Variants in CDH22 observed in about 807,000 individuals in gnomAD.
The protein encoded by CDH22 is cadherin-22.
A neutral mutation model predicts 58.4 loss-of-function variants in CDH22; 30 were observed. The ratio of observed to expected loss-of-function variants is 0.51; its 90% CI spans 0.38 to 0.70. The LOEUF is 0.70. Among genes scored for constraint, CDH22 ranks in the 30% least tolerant of loss-of-function variants. The pLI, the probability that CDH22 is intolerant of heterozygous loss-of-function variation, is 0.00. For synonymous variants in CDH22, 513 were observed against 558.2 expected, an observed-to-expected ratio of 0.92 and a Z score of 1.14; for missense variants, 1,014 against 1,233.9, an observed-to-expected ratio of 0.82 and a Z score of 2.67.
chr20:46,251,463 C>T lies in CDH22; in HGVS notation c.-169G>A, dbSNP rs1274749453. On this transcript the variant is annotated 5_prime_UTR_variant, in exon 2 of 12. Coordinates refer to ENST00000537909, the MANE Select transcript of CDH22 (RefSeq NM_021248.3). The surrounding 1 kb of genome is among the most constrained non-coding windows in gnomAD (Gnocchi z 6.7). ...ACGGGCCCGCGGCCCTGAACGCCGCCCAGCCGCGGGGGTACCCGGCTGGAG... is the reference window on the plus strand; with the variant it reads ...ACGGGCCCGCGGCCCTGAACGCCGCTCAGCCGCGGGGGTACCCGGCTGGAG... The T allele has an allele frequency of 1.4e-6, 1 of 705,342 alleles. No homozygotes were observed. Among genetic ancestry groups the T allele is most frequent in the Non-Finnish European group, 2.0e-6 (1 of 504,312 alleles). 43.7% of individuals were successfully genotyped at this position (705,342 alleles called of 1,614,324 possible).
chr20:46,189,108 G>C (rs1322985000), intron 8 of CDH22, among the ~76,000 whole-genome samples: 1 of 152,002 alleles, frequency 6.6e-6, no homozygotes, highest in Non-Finnish European at 1.5e-5. Flanking sequence ...GCCACCTCCT[G>C]GGGGGGCGGG....
intron 10 of CDH22, 58 bp downstream of exon 10, chr20:46,186,530 G>A: frequency 1.6e-6 from 2 of 1,246,144 alleles, no homozygotes; most frequent in Non-Finnish European, 1.2e-6. Context: ...TATAATATGG[G>A]AACAGGGCAG....
chr20:46,306,320 C>T (rs893138538), intron 1 of CDH22, among the ~76,000 whole-genome samples: 3 of 152,240 alleles, frequency 2.0e-5, no homozygotes, highest in Non-Finnish European at 4.4e-5. Context: ...CATGTGACCT[C>T]GGGCTGCTGT....
At chr20:46,212,726 C>T (rs2145690829) in intron 6 of CDH22, among the ~76,000 whole-genome samples, 1 of 152,314 alleles carries the variant, frequency 6.6e-6, no homozygotes, top group South Asian at 2.1e-4. Flanking sequence ...AAGCACACGT[C>T]AGAGTGTTTG....
intron 1 of CDH22, among the ~76,000 whole-genome samples, chr20:46,253,650 C>T (rs906386346): frequency 1.3e-5 from 2 of 152,126 alleles, no homozygotes; most frequent in African/African-American, 2.4e-5. Context: ...CTGGGCTGGT[C>T]GTAATGAGAC....
chr20:46,191,489 C>T (rs932888393), intron 8 of CDH22, among the ~76,000 whole-genome samples: 6 of 152,152 alleles, frequency 3.9e-5, no homozygotes, highest in Admixed American at 1.3e-4. Context: ...CCTGTTAGGG[C>T]GCTCCTATGA....
rs774804978 is a variant in CDH22, at chr20:46,210,593, T to C, written c.1033-33A>G. ...AGGGAGCAGAGGGCCGGTTAGTGGG[T>C]GGGGTCTGGTGGACACTGAGGCCTT... is the stretch of plus-strand genomic sequence containing the variant. On this transcript the variant is annotated intron_variant, in intron 6 of 11. Coordinates refer to ENST00000537909, the MANE Select transcript of CDH22 (RefSeq NM_021248.3). The surrounding 1 kb of genome is among the most constrained non-coding windows in gnomAD (Gnocchi z 4.5). 7.1e-7 allele frequency: 1 copy of C among 1,416,868 alleles called. No individual in the cohort carries two copies. Among genetic ancestry groups the C allele is most frequent in the South Asian group, 1.7e-5 (1 of 60,428 alleles). 87.8% of individuals were successfully genotyped at this position (1,416,868 alleles called of 1,614,324 possible). A position where few individuals can be genotyped will look rare whatever the true frequency, so the allele number is the denominator to read the frequency against.
intron 3 of CDH22, among the ~76,000 whole-genome samples, chr20:46,229,384 C>T (rs2086203406): frequency 6.6e-6 from 1 of 151,362 alleles, no homozygotes; most frequent in African/African-American, 2.4e-5. Context: ...AATTTGAACC[C>T]GGGACTCTGG....
At chr20:46,204,755 C>G (rs1269468928) in intron 7 of CDH22, among the ~76,000 whole-genome samples, 1 of 152,124 alleles carries the variant, frequency 6.6e-6, no homozygotes, top group Non-Finnish European at 1.5e-5. Context: ...GCTAGCATTT[C>G]TGTGTTAGCA....
At chr20:46,211,388 A>AC (rs1165254647) in intron 6 of CDH22, among the ~76,000 whole-genome samples, 2 of 151,350 alleles carry the variant, frequency 1.3e-5, no homozygotes, top group African/African-American at 4.9e-5. Context: ...AGAATCCCCC[A>AC]CCCCCGACTT....
intron 1 of CDH22, among the ~76,000 whole-genome samples, chr20:46,289,176 C>T (rs1020002857): frequency 6.6e-6 from 1 of 152,172 alleles, no homozygotes; most frequent in Non-Finnish European, 1.5e-5. Context: ...GGAACACCCT[C>T]GCCCCTGATG....
Position 46,251,400 on chromosome 20 carries a change from C to A in CDH22, c.-106G>T. 7.9e-7 allele frequency: 1 copy of A among 1,267,730 alleles called. No individual in the cohort carries two copies. The highest frequency in any genetic ancestry group is 1.0e-6 in the Non-Finnish European group (1 of 989,838). The allele number at this position is 1,267,730 out of a possible 1,614,324, so 78.5% of individuals were successfully genotyped here. A position where few individuals can be genotyped will look rare whatever the true frequency, so the allele number is the denominator to read the frequency against. Reference sequence around the variant, plus strand: ...GCGCCGTGTCACATGGTGGCCTCAGCGCGGCCGCCGGGATGTCGCCCCCGA... The same window carrying A: ...GCGCCGTGTCACATGGTGGCCTCAGAGCGGCCGCCGGGATGTCGCCCCCGA... On this transcript the variant is annotated 5_prime_UTR_variant, in exon 2 of 12. Coordinates refer to ENST00000537909, the MANE Select transcript of CDH22 (RefSeq NM_021248.3). The surrounding 1 kb of genome is among the most constrained non-coding windows in gnomAD (Gnocchi z 6.7).
rs192296266 is a variant in CDH22, at chr20:46,222,078, C to T, written c.671-5085G>A. On this transcript the variant is annotated intron_variant, in intron 4 of 11. Transcript: ENST00000537909. ...CTGGGCCTCTCTGAGCCTCTGTTTC[C>T]TCTTATGTGAAATGGAGACACCCAC... 3.3e-5 allele frequency among the ~76,000 whole-genome samples: 5 copies of T among 152,316 alleles called. No individual in the cohort carries two copies. In the South Asian group the frequency reaches 1.0e-3, roughly 32 times the overall value.
Position 46,251,043 on chromosome 20 carries a change from GC to G in CDH22, c.251del (p.Gly84AlafsTer28). On this transcript the variant is annotated frameshift_variant, in exon 2 of 12. Coordinates refer to ENST00000537909, the MANE Select transcript of CDH22 (RefSeq NM_021248.3). LOFTEE classifies it high-confidence loss of function. This position sits in a 1 kb window ranked among gnomAD's most constrained non-coding sequence, Gnocchi z 6.7. ...EYTGTEPLYV[G>X]KIHSDSDEGD... ...TTGGAGTGGGGCCCCACTTTACCTT[GC>G]CCACATACAGGGGCTCCGTGCCCGT... 6.2e-7 allele frequency: 1 copy of G among 1,606,248 alleles called. No homozygotes were observed.
In CDH22 at chr20:46,174,251, A is replaced by G. The variant is rs1600680648; in HGVS notation, c.*255T>C. 6.3e-6 allele frequency: 3 copies of G among 474,272 alleles called. No homozygotes were observed. The highest frequency in any genetic ancestry group is 3.7e-5 in the East Asian group (1 of 26,942). 29.4% of individuals were successfully genotyped at this position (474,272 alleles called of 1,614,324 possible). A position where few individuals can be genotyped will look rare whatever the true frequency, so the allele number is the denominator to read the frequency against. On this transcript the variant is annotated 3_prime_UTR_variant, in exon 12 of 12. Transcript: ENST00000537909. The surrounding 1 kb of genome is among the most constrained non-coding windows in gnomAD (Gnocchi z 4.4). ...CACCCCCATCTCCCATTCTAACCCCAGAGCCACACCGTGCCCGGTCTCGCC... is the reference window on the plus strand; with the variant it reads ...CACCCCCATCTCCCATTCTAACCCCGGAGCCACACCGTGCCCGGTCTCGCC...
At position 46,190,820 on chromosome 20, in the gene CDH22, C is replaced by T. The variant is rs114926815; in HGVS notation, c.1424-3873G>A. On this transcript the variant is annotated intron_variant, in intron 8 of 11. Transcript: ENST00000537909. ...TCCGGGGGGGTGGCAGGTGAAGCCCCGGGGGTCTGAGGGACCTGAGGAGGC... is the reference window on the plus strand; with the variant it reads ...TCCGGGGGGGTGGCAGGTGAAGCCCTGGGGGTCTGAGGGACCTGAGGAGGC... Among the ~76,000 whole-genome samples, 853 of 152,138 alleles carry T rather than the reference C, an allele frequency of 5.6e-3. 13 individuals carry two copies. Among genetic ancestry groups the T allele is most frequent in the African/African-American group, 0.019 (808 of 41,496 alleles).
At chr20:46,229,376 T>A (rs2086203327) in intron 3 of CDH22, among the ~76,000 whole-genome samples, 1 of 148,572 alleles carries the variant, frequency 6.7e-6, no homozygotes, top group Non-Finnish European at 1.5e-5. Flanking sequence ...AGTGGTGGAA[T>A]TTGAACCCGG....
intron 1 of CDH22, among the ~76,000 whole-genome samples, chr20:46,299,374 G>A (rs1290377455): frequency 2.0e-5 from 3 of 152,328 alleles, no homozygotes; most frequent in Admixed American, 6.5e-5. Context: ...AGAGTCAAGC[G>A]CATCACTTCC....
intron 3 of CDH22, among the ~76,000 whole-genome samples, chr20:46,229,295 C>A (rs1385149425): frequency 2.0e-5 from 3 of 148,348 alleles, no homozygotes; most frequent in Non-Finnish European, 4.5e-5. Flanking sequence ...AGTGGCCCCC[C>A]CCCCCAATTT....
Sources: allele counts gnomAD v4.1 joint callset (sites outside exome capture counted in the v4.1 genomes callset), GRCh38; gene constraint gnomAD v4.1.1; non-coding constraint Gnocchi (gnomAD v3.1); transcripts MANE v1.5; gene names NCBI Gene and HGNC (gene_info 2026-07-23, HGNC 2026-07-21).